Variants in GRID2 observed in about 807,000 individuals in gnomAD.
GRID2 encodes the protein glutamate ionotropic receptor delta type subunit 2, also known as glutamate receptor ionotropic, delta-2.
A neutral mutation model predicts 114.8 loss-of-function variants in GRID2; 33 were observed. That is an observed-to-expected ratio of 0.29 (90% CI 0.22 to 0.38). The LOEUF is 0.38. GRID2 is among the 10% of genes least tolerant of loss of function. The probability of loss-of-function intolerance (pLI) is 1.00; values close to 1 mark genes in which losing one functional copy is unlikely to be tolerated. For missense variants in GRID2, 1,184 were observed against 1,257.7 expected, an observed-to-expected ratio of 0.94 and a Z score of 0.89; for synonymous variants, 505 against 449.9, an observed-to-expected ratio of 1.12 and a Z score of -1.55.
At chr4:93,038,588 A>C (rs1193525421) in intron 2 of GRID2, among the ~76,000 whole-genome samples, 3 of 152,130 alleles carry the variant, frequency 2.0e-5, no homozygotes, top group African/African-American at 7.2e-5. Context: ...CAGGAGATCG[A>C]GACCATCCTG....
At chr4:93,752,224 T>C (rs1732383715) in intron 14 of GRID2, among the ~76,000 whole-genome samples, 2 of 152,220 alleles carry the variant, frequency 1.3e-5, no homozygotes, top group Middle Eastern at 3.4e-3. Flanking sequence ...TACAATACAA[T>C]TTAAGATAAA....
intron 14 of GRID2, among the ~76,000 whole-genome samples, chr4:93,660,283 G>T (rs552510802): frequency 6.6e-6 from 1 of 152,040 alleles, no homozygotes; most frequent in Non-Finnish European, 1.5e-5. Flanking sequence ...CCATTTTAAA[G>T]TGAAACCACA....
At chr4:93,594,746 A>G (rs1484723921) in intron 13 of GRID2, among the ~76,000 whole-genome samples, 1 of 152,132 alleles carries the variant, frequency 6.6e-6, no homozygotes, top group Non-Finnish European at 1.5e-5. Context: ...TGCGGGATAT[A>G]ATCTCGTGGT....
intron 13 of GRID2, among the ~76,000 whole-genome samples, chr4:93,517,927 A>G (rs773972617): frequency 9.7e-6 from 1 of 102,758 alleles, no homozygotes; most frequent in African/African-American, 3.2e-5. Context: ...TGTATATACT[A>G]TATATGTATG....
At chr4:93,380,003 G>C (rs1239351898) in intron 8 of GRID2, among the ~76,000 whole-genome samples, 1 of 152,066 alleles carries the variant, frequency 6.6e-6, no homozygotes, top group Non-Finnish European at 1.5e-5. Context: ...ATTGTGATCT[G>C]TAGTAAGTTA....
chr4:92,856,953 A>C (rs974953493), intron 2 of GRID2, among the ~76,000 whole-genome samples: 3 of 152,178 alleles, frequency 2.0e-5, no homozygotes, highest in African/African-American at 4.8e-5. Context: ...ATATTTTGGT[A>C]GTTCTCAGAA....
intron 13 of GRID2, among the ~76,000 whole-genome samples, chr4:93,539,442 C>CAAA (rs1732430987): frequency 3.9e-5 from 6 of 151,944 alleles, no homozygotes; most frequent in African/African-American, 1.4e-4. Context: ...TCATAATGTT[C>CAAA]AAATGTGCCC....
intron 13 of GRID2, among the ~76,000 whole-genome samples, chr4:93,619,043 T>C (rs1741971433): frequency 2.0e-5 from 3 of 151,856 alleles, no homozygotes; most frequent in Non-Finnish European, 2.9e-5. Context: ...AAAAAATTGA[T>C]TTTTTTAAAA....
intron 2 of GRID2, among the ~76,000 whole-genome samples, chr4:92,965,184 G>T (rs1009213179): frequency 6.6e-6 from 1 of 151,744 alleles, no homozygotes; most frequent in Non-Finnish European, 1.5e-5. Context: ...TGGGGATGAA[G>T]CAATCAGAAC....
At chr4:93,663,055 G>C (rs1188880687) in intron 14 of GRID2, among the ~76,000 whole-genome samples, 1 of 152,154 alleles carries the variant, frequency 6.6e-6, no homozygotes, top group African/African-American at 2.4e-5. Flanking sequence ...GAGAGACACA[G>C]ATAAATGGAA....
At chr4:92,828,397 G>A (rs1360630024) in intron 2 of GRID2, among the ~76,000 whole-genome samples, 1 of 152,080 alleles carries the variant, frequency 6.6e-6, no homozygotes, top group Non-Finnish European at 1.5e-5. Flanking sequence ...AGGGACTTAA[G>A]ATGAAACTGC....
intron 4 of GRID2, among the ~76,000 whole-genome samples, chr4:93,126,510 T>G (rs947980604): frequency 2.7e-5 from 4 of 150,510 alleles, no homozygotes; most frequent in African/African-American, 9.7e-5. Flanking sequence ...CTAGTAGATG[T>G]CAATAATACC....
chr4:92,408,526 T>C (rs376277962), intron 1 of GRID2, among the ~76,000 whole-genome samples: 7 of 148,958 alleles, frequency 4.7e-5, no homozygotes, highest in African/African-American at 1.7e-4. Context: ...ATGACCTTGG[T>C]ATTTTGATAG....
Position 92,731,239 on chromosome 4 carries a change from T to C in GRID2, c.244+140953T>C, listed in dbSNP as rs550521891. ...ATTTTAGACAATAAGTGATTTTTTT[T>C]TTTCTTTCTTTCTTTCTTTTCTTTT... On this transcript the variant is annotated intron_variant, in intron 2 of 15. Coordinates refer to ENST00000282020, the MANE Select transcript of GRID2 (RefSeq NM_001510.4). Among the ~76,000 whole-genome samples the C allele has an allele frequency of 5.0e-3, 754 of 151,806 alleles. 2 individuals carry two copies. Among genetic ancestry groups the C allele is most frequent in the Non-Finnish European group, 8.0e-3 (544 of 67,802 alleles).
chr4:93,460,997 A>G (rs759497054), intron 11 of GRID2, among the ~76,000 whole-genome samples: 2 of 152,176 alleles, frequency 1.3e-5, no homozygotes, highest in African/African-American at 4.8e-5. Context: ...CCAAATTTCA[A>G]TAAGTTTTGG....
chr4:92,652,446 G>C (rs1398034723), intron 2 of GRID2, among the ~76,000 whole-genome samples: 1 of 151,744 alleles, frequency 6.6e-6, no homozygotes, highest in East Asian at 1.9e-4. Flanking sequence ...GGGAGGATAA[G>C]TCAGGAGGAA....
Position 92,590,192 on chromosome 4 carries a change from C to T in GRID2, c.150C>T (p.Asp50=). The T allele has an allele frequency of 6.2e-7, 1 of 1,611,750 alleles. No homozygotes were observed. The highest frequency in any genetic ancestry group is 8.5e-7 in the Non-Finnish European group (1 of 1,177,960). ...AGGTATTTCGCACTGCGGTTGGTGACCTTAACCAGAATGAGGAGATCTTAC... is the reference window on the plus strand; with the variant it reads ...AGGTATTTCGCACTGCGGTTGGTGATCTTAACCAGAATGAGGAGATCTTAC... ...DDEVFRTAVG[D]LNQNEEILQT... The change falls in exon 2 of 16, where the codon GAC becomes GAT. Residue 50 remains aspartate, a synonymous_variant. Coordinates refer to ENST00000282020, the MANE Select transcript of GRID2 (RefSeq NM_001510.4).
At chr4:93,446,119 T>C (rs1722068708) in intron 10 of GRID2, among the ~76,000 whole-genome samples, 1 of 152,012 alleles carries the variant, frequency 6.6e-6, no homozygotes, top group South Asian at 2.1e-4. Flanking sequence ...TAATATTTCA[T>C]TGCCAAGTTG....
chr4:92,928,463 G>A (rs1749994640), intron 2 of GRID2, among the ~76,000 whole-genome samples: 1 of 151,438 alleles, frequency 6.6e-6, no homozygotes, highest in South Asian at 2.1e-4. Flanking sequence ...CTCATACACG[G>A]AGAATTAAAT....
Sources: gnomAD v4.1 joint callset for allele counts (sites outside exome capture counted in the v4.1 genomes callset) on GRCh38, gnomAD v4.1.1 for gene constraint, MANE v1.5 for transcripts, NCBI Gene and HGNC (gene_info 2026-07-23, HGNC 2026-07-21) for gene names.